The following EYA1 variants were observed in gnomAD, a reference collection of about 807,000 sequenced individuals.
The protein encoded by EYA1 is EYA transcriptional coactivator and phosphatase 1.
EYA1 carries 16 observed loss-of-function variants against 82.0 expected under a neutral mutation model. The observed-to-expected ratio is 0.20, with a 90% CI of 0.13 to 0.30. EYA1 has a LOEUF of 0.30. Among genes scored for constraint, EYA1 ranks in the 10% least tolerant of loss-of-function variants. The pLI is 1.00. For synonymous variants in EYA1, 261 were observed against 264.4 expected, an observed-to-expected ratio of 0.99 and a Z score of 0.12; for missense variants, 633 against 730.7, an observed-to-expected ratio of 0.87 and a Z score of 1.54.
chr8:71,242,788 T>TG (rs1299978480), intron 12 of EYA1, among the ~76,000 whole-genome samples: 1 of 150,414 alleles, frequency 6.6e-6, no homozygotes, highest in Non-Finnish European at 1.5e-5. Flanking sequence ...TTTTTTTTTT[T>TG]TTTTTGAGAC....
At chr8:71,274,923 A>C (rs944506840) in intron 9 of EYA1, among the ~76,000 whole-genome samples, 35 of 151,852 alleles carry the variant, frequency 2.3e-4, no homozygotes, top group Admixed American at 3.9e-4. Flanking sequence ...AGAGAGAGAG[A>C]ATGAGAGCGA....
At position 71,454,068 on chromosome 8, in the gene EYA1, G is replaced by A. The variant is rs539849421; in HGVS notation, c.33+81676C>T. On this transcript the variant is annotated intron_variant, in intron 2 of 18. Transcript: ENST00000643681. ...ACACATAGGCTCAAAATAAAGGGAT[G>A]AAGGAAGATCTGCCAAGAACATGGA... is the stretch of plus-strand genomic sequence containing the variant. Among the ~76,000 whole-genome samples the A allele has an allele frequency of 2.0e-5, 3 of 152,282 alleles. No homozygotes were observed. In the East Asian group the frequency reaches 5.8e-4, roughly 29 times the overall value.
intron 2 of EYA1, among the ~76,000 whole-genome samples, chr8:71,446,465 A>T (rs1438425579): frequency 3.3e-5 from 5 of 152,070 alleles, no homozygotes; most frequent in African/African-American, 1.2e-4. Context: ...AGTCAATTAA[A>T]TCTCCTCTGT....
chr8:71,364,546 A>G (rs1435084877), upstream of EYA1, among the ~76,000 whole-genome samples: 1 of 152,126 alleles, frequency 6.6e-6, no homozygotes, highest in Admixed American at 6.5e-5. Flanking sequence ...ACAGTCATAC[A>G]TATAACTACA....
At chr8:71,325,476 CAG>C (rs1174209312) in intron 4 of EYA1, among the ~76,000 whole-genome samples, 1 of 152,150 alleles carries the variant, frequency 6.6e-6, no homozygotes, top group Non-Finnish European at 1.5e-5. Flanking sequence ...CAGCACCTGA[CAG>C]GGCCTGGTAT....
chr8:71,525,658 A>G (rs1208635446), intron 2 of EYA1, among the ~76,000 whole-genome samples: 2 of 152,198 alleles, frequency 1.3e-5, no homozygotes, highest in African/African-American at 4.8e-5. Flanking sequence ...ATTTTCAATT[A>G]ATAGAGTTCC....
chr8:71,485,909 T>A (rs1810533263), intron 2 of EYA1, among the ~76,000 whole-genome samples: 1 of 152,332 alleles, frequency 6.6e-6, no homozygotes, highest in Admixed American at 6.5e-5. Context: ...TTATGTTTGA[T>A]GTGTCCTTTA....
chr8:71,395,401 C>T (rs533306939), intron 2 of EYA1, among the ~76,000 whole-genome samples: 12 of 152,092 alleles, frequency 7.9e-5, no homozygotes, highest in Non-Finnish European at 1.8e-4. Context: ...CAGTTTTTGC[C>T]CATTCAGTAT....
chr8:71,320,276 G>T (rs1225844914), intron 6 of EYA1, among the ~76,000 whole-genome samples: 1 of 152,158 alleles, frequency 6.6e-6, no homozygotes. Flanking sequence ...GGGCAGTGAT[G>T]GGAATGGCAC....
intron 4 of EYA1, among the ~76,000 whole-genome samples, chr8:71,328,732 G>A (rs572334251): frequency 1.6e-4 from 24 of 152,108 alleles, no homozygotes; most frequent in Non-Finnish European, 3.2e-4. Flanking sequence ...CCTGGACACT[G>A]CCTACATTTA....
At chr8:71,408,529 T>C (rs1234454076) in intron 2 of EYA1, among the ~76,000 whole-genome samples, 13 of 109,370 alleles carry the variant, frequency 1.2e-4, no homozygotes, top group South Asian at 3.3e-4. Flanking sequence ...TGGAGGAAGA[T>C]CTACCAAGCA....
intron 11 of EYA1, among the ~76,000 whole-genome samples, chr8:71,250,664 T>C (rs76506518): frequency 0.025 from 3,734 of 152,324 alleles, 150 homozygotes; most frequent in African/African-American, 0.082. Context: ...GTGTAGAATG[T>C]TTTGTTCAAT....
At chr8:71,544,616 A>G (rs915666186) in intron 1 of EYA1, among the ~76,000 whole-genome samples, 3 of 152,204 alleles carry the variant, frequency 2.0e-5, no homozygotes, top group African/African-American at 7.2e-5. Context: ...ATATTTGAAG[A>G]TTACAATCTT....
At chr8:71,322,366 T>C (rs1822672273) in intron 4 of EYA1, 98 bp from the exon 5 acceptor site, 1 of 1,071,364 alleles carries the variant, frequency 9.3e-7, no homozygotes, top group East Asian at 2.4e-5. Flanking sequence ...AGGTTGGCCA[T>C]ATGAAATTTC....
intron 2 of EYA1, among the ~76,000 whole-genome samples, chr8:71,447,129 A>G (rs1806953967): frequency 6.6e-6 from 1 of 150,796 alleles, no homozygotes; most frequent in African/African-American, 2.4e-5. Context: ...CCCAACTTTT[A>G]TGCTTCCTCC....
At chr8:71,258,514 A>C (rs943396635) in intron 11 of EYA1, among the ~76,000 whole-genome samples, 1 of 152,172 alleles carries the variant, frequency 6.6e-6, no homozygotes, top group Admixed American at 6.5e-5. Flanking sequence ...TCTATGGTGG[A>C]GTCTTAAACT....
chr8:71,292,844 G>A (rs995959927), intron 9 of EYA1, among the ~76,000 whole-genome samples: 1 of 151,792 alleles, frequency 6.6e-6, no homozygotes, highest in African/African-American at 2.4e-5. Flanking sequence ...TATTAGAAAA[G>A]AAAGATCTAA....
At chr8:71,360,025 C>T (rs1444749466) in intron 1 of EYA1, among the ~76,000 whole-genome samples, 1 of 152,050 alleles carries the variant, frequency 6.6e-6, no homozygotes, top group Non-Finnish European at 1.5e-5. Context: ...AAATAAAAAC[C>T]TAAACCTAAA....
At chr8:71,223,025 T>G (rs1220988612) in intron 12 of EYA1, among the ~76,000 whole-genome samples, 1 of 152,156 alleles carries the variant, frequency 6.6e-6, no homozygotes, top group South Asian at 2.1e-4. Flanking sequence ...CTTCATGTCA[T>G]CAGCAGGCCT....
Sources: gnomAD v4.1 joint callset for allele counts (sites outside exome capture counted in the v4.1 genomes callset) on GRCh38, gnomAD v4.1.1 for gene constraint, MANE v1.5 for transcripts, NCBI Gene and HGNC (gene_info 2026-07-23, HGNC 2026-07-21) for gene names.